SGTA: variants seen among roughly 807,000 people sequenced by gnomAD.
SGTA encodes small glutamine rich tetratricopeptide repeat co-chaperone alpha, also known as small glutamine-rich tetratricopeptide repeat-containing protein alpha.
Under a neutral mutation model 44.3 loss-of-function variants are expected in SGTA, and 22 were observed. The ratio of observed to expected loss-of-function variants is 0.50; its 90% CI spans 0.36 to 0.71. SGTA has a LOEUF of 0.71. SGTA is among the 30% of genes least tolerant of loss of function. The pLI, the probability that SGTA is intolerant of heterozygous loss-of-function variation, is 0.00. For missense variants in SGTA, 341 were observed against 435.9 expected (o/e 0.78, Z 1.94); for synonymous variants, 174 against 177.6 (o/e 0.98, Z 0.16).
chr19:2,757,564 C>G, intron 10 of SGTA, 107 bp from the exon 11 acceptor site: 1 of 1,497,378 alleles, frequency 6.7e-7, no homozygotes, highest in Non-Finnish European at 8.9e-7. Context: ...ACAGGCCTGA[C>G]CCCTCGCTGG....
intron 8 of SGTA, 192 bp from the exon 9 acceptor site, chr19:2,759,486 A>C (rs568029378): frequency 5.1e-6 from 3 of 587,146 alleles, no homozygotes; most frequent in Admixed American, 6.3e-5. Context: ...TGTGACCTCC[A>C]CATTGTGACT....
At chr19:2,771,637 G>C (rs986453682) in intron 1 of SGTA, among the ~76,000 whole-genome samples, 1 of 150,992 alleles carries the variant, frequency 6.6e-6, no homozygotes, top group African/African-American at 2.5e-5. Context: ...CCCCCACACA[G>C]GCAGGTACGT....
rs1413955236 is a variant in SGTA at position 2,765,072 on chromosome 19, T to C, written c.392+114A>G. On this transcript the variant is annotated intron_variant, in intron 5 of 11. Coordinates refer to ENST00000221566, the MANE Select transcript of SGTA (RefSeq NM_003021.4). The surrounding 1 kb of genome is among the most constrained non-coding windows in gnomAD (Gnocchi z 5.5). ...CTCCTGGTCTGAGACCACCGGTGAA[T>C]GGATCCCTCATCTACAGCGCAGAGG... is the stretch of plus-strand genomic sequence containing the variant. The C allele has an allele frequency of 9.8e-6, 7 of 714,688 alleles. No homozygotes were observed. The highest frequency in any genetic ancestry group is 1.6e-5 in the South Asian group (1 of 63,920). 44.3% of individuals were successfully genotyped at this position (714,688 alleles called of 1,614,324 possible).
intron 9 of SGTA, among the ~76,000 whole-genome samples, chr19:2,758,247 G>A (rs1914883537): frequency 6.6e-6 from 1 of 152,142 alleles, no homozygotes; most frequent in South Asian, 2.1e-4. Flanking sequence ...TTTGACCGTG[G>A]GCCAGCCGCG....
chr19:2,763,901 T>TG lies in SGTA; in HGVS notation c.393-145dup. 4.7e-6 allele frequency: 3 copies of TG among 632,814 alleles called. No homozygotes were observed. Among genetic ancestry groups the TG allele is most frequent in the Non-Finnish European group, 5.5e-6 (2 of 363,890 alleles). The allele number at this position is 632,814 out of a possible 1,614,324, so 39.2% of individuals were successfully genotyped here. A position where few individuals can be genotyped will look rare whatever the true frequency, so the allele number is the denominator to read the frequency against. ...TTCCCCATCTGTAAAATGGGGCTGA[T>TG]GGGGAAAGCTGAGAGGTGTGGCCAC... On this transcript the variant is annotated intron_variant, in intron 5 of 11. Coordinates refer to ENST00000221566, the MANE Select transcript of SGTA (RefSeq NM_003021.4). The surrounding 1 kb of genome is among the most constrained non-coding windows in gnomAD (Gnocchi z 5.8).
Position 2,757,679 on chromosome 19 carries a change from G to A in SGTA, c.827+14C>T. On this transcript the variant is annotated intron_variant, in intron 10 of 11. Transcript: ENST00000221566. ...GCCCACGTCCTCCGTCCTCTTGGAAGCAGTTCCACTCACGCCTGGATGAGG... is the reference window on the plus strand; with the variant it reads ...GCCCACGTCCTCCGTCCTCTTGGAAACAGTTCCACTCACGCCTGGATGAGG... The A allele has an allele frequency of 1.3e-6, 2 of 1,547,308 alleles. No individual in the cohort carries two copies. The highest frequency in any genetic ancestry group is 8.7e-7 in the Non-Finnish European group (1 of 1,146,574).
intron 1 of SGTA, among the ~76,000 whole-genome samples, chr19:2,769,976 C>T (rs1204084607): frequency 4.1e-5 from 3 of 73,714 alleles, no homozygotes; most frequent in African/African-American, 1.1e-4. Context: ...GTTCCCCCCT[C>T]GGACACCCGC....
rs752839724 is a variant in SGTA at position 2,768,949 on chromosome 19, A to G, written c.100+20T>C. The G allele has an allele frequency of 6.4e-7, 1 of 1,567,266 alleles. No individual in the cohort carries two copies. Among genetic ancestry groups the G allele is most frequent in the East Asian group, 2.2e-5 (1 of 44,636 alleles). ...TGGCCGCTGCCCGGGGAGAGGGGGA[A>G]GTGGCAGGCACCCACCTACCTTCCA... is the stretch of plus-strand genomic sequence containing the variant. On this transcript the variant is annotated intron_variant, in intron 2 of 11. Transcript: ENST00000221566.
Position 2,763,238 on chromosome 19 carries a change from G to A in SGTA, c.497+415C>T, listed in dbSNP as rs996793052. Among the ~76,000 whole-genome samples, 1 of 152,202 alleles carries A rather than the reference G, an allele frequency of 6.6e-6. No homozygotes were observed. The highest frequency in any genetic ancestry group is 6.5e-5 in the Admixed American group (1 of 15,288). ...AGGCGAATGCACGCTTATGCTGGGA[G>A]GGCGGCACCGGCTGCACGGGGCGCA... On this transcript the variant is annotated intron_variant, in intron 6 of 11. Coordinates refer to ENST00000221566, the MANE Select transcript of SGTA (RefSeq NM_003021.4). This position sits in a 1 kb window ranked among gnomAD's most constrained non-coding sequence, Gnocchi z 5.8.
In SGTA at chr19:2,760,501, G is replaced by A. The variant is rs1409164042; in HGVS notation, c.699+959C>T. Reference sequence around the variant, plus strand: ...CCACTGCACTCCAACCTGGGCGACAGAGCGAGACTCCATCTCAAAAAAAAA... The same window carrying A: ...CCACTGCACTCCAACCTGGGCGACAAAGCGAGACTCCATCTCAAAAAAAAA... On this transcript the variant is annotated intron_variant, in intron 8 of 11. Coordinates refer to ENST00000221566, the MANE Select transcript of SGTA (RefSeq NM_003021.4). 2.4e-5 allele frequency among the ~76,000 whole-genome samples: 3 copies of A among 124,638 alleles called. No individual in the cohort carries two copies. The Admixed American group carries it at 2.9e-4, about 12-fold the overall frequency. The allele number at this position is 124,638 out of a possible 152,430, so 81.8% of individuals were successfully genotyped here. A position where few individuals can be genotyped will look rare whatever the true frequency, so the allele number is the denominator to read the frequency against.
intron 1 of SGTA, among the ~76,000 whole-genome samples, chr19:2,780,753 G>A: frequency 6.6e-6 from 1 of 152,190 alleles, no homozygotes; most frequent in Non-Finnish European, 1.5e-5. Context: ...CGTTCCTTGG[G>A]GAGGCCATTT....
In SGTA at chr19:2,767,349, C is replaced by T; in HGVS notation, c.208-129G>A. The T allele has an allele frequency of 1.3e-6, 1 of 758,170 alleles. No individual in the cohort carries two copies. The highest frequency in any genetic ancestry group is 1.7e-5 in the South Asian group (1 of 58,160). 47.0% of individuals were successfully genotyped at this position (758,170 alleles called of 1,614,324 possible). ...GGACCCGGGGGCTCTGCAGGGGACT[C>T]CTGGCCCCCCATCATGTGGCCCTGG... On this transcript the variant is annotated intron_variant, in intron 3 of 11. Transcript: ENST00000221566. The surrounding 1 kb of genome is among the most constrained non-coding windows in gnomAD (Gnocchi z 7.3).
chr19:2,758,853 C>A (rs1010758164), intron 9 of SGTA, among the ~76,000 whole-genome samples: 1 of 152,200 alleles, frequency 6.6e-6, no homozygotes, highest in East Asian at 1.9e-4. Flanking sequence ...ACCTTGAGGA[C>A]GTCACGCTCA....
At position 2,762,518 on chromosome 19, in the gene SGTA, C is replaced by T. The variant is rs1568308386; in HGVS notation, c.624G>A (p.Glu208=). The T allele has an allele frequency of 6.2e-7, 1 of 1,613,968 alleles. No individual in the cohort carries two copies. Among genetic ancestry groups the T allele is most frequent in the African/African-American group, 1.3e-5 (1 of 75,060 alleles). Residue 208 remains glutamate, a synonymous_variant, in exon 7 of 12, where the codon GAG becomes GAA. Coordinates refer to ENST00000221566, the MANE Select transcript of SGTA (RefSeq NM_003021.4). ...NLKIAELKLR[E]APSPTGGVGS... ...CCGCTGCACTCACGGGGCTGGGGGC[C>T]TCCCGCAGCTTCAGCTCCGCTATCT... is the stretch of plus-strand genomic sequence containing the variant.
chr19:2,783,152 C>G (rs1289356138), intron 1 of SGTA, 81 bp downstream of exon 1: 11 of 152,298 alleles, frequency 7.2e-5, no homozygotes, highest in African/African-American at 2.7e-4. Context: ...GATCCCCAAA[C>G]TCTTACGAGC....
rs1434254869 is a variant in SGTA at position 2,763,067 on chromosome 19, AGT to A, written c.498-425_498-424del. Among the ~76,000 whole-genome samples, 2 of 143,876 alleles carry A rather than the reference AGT, an allele frequency of 1.4e-5. No individual in the cohort carries two copies. The highest frequency in any genetic ancestry group is 5.4e-5 in the African/African-American group (2 of 37,112). 94.4% of individuals were successfully genotyped at this position (143,876 alleles called of 152,430 possible). On this transcript the variant is annotated intron_variant, in intron 6 of 11. Transcript: ENST00000221566. The surrounding 1 kb of genome is among the most constrained non-coding windows in gnomAD (Gnocchi z 5.8). ...GCAGCCCCTGACCCCCACCTGAGTGAGTCTTCACTCGTGAGGTGACTCAGGGC... is the reference window on the plus strand; with the variant it reads ...GCAGCCCCTGACCCCCACCTGAGTGACTTCACTCGTGAGGTGACTCAGGGC...
chr19:2,763,248 G>T lies in SGTA; in HGVS notation c.497+405C>A, dbSNP rs1050161334. ...ACGCTTATGCTGGGAGGGCGGCACC[G>T]GCTGCACGGGGCGCAGGCTCCTGCC... On this transcript the variant is annotated intron_variant, in intron 6 of 11. Coordinates refer to ENST00000221566, the MANE Select transcript of SGTA (RefSeq NM_003021.4). The surrounding 1 kb of genome is among the most constrained non-coding windows in gnomAD (Gnocchi z 5.8). 2.0e-5 allele frequency among the ~76,000 whole-genome samples: 3 copies of T among 152,200 alleles called. No homozygotes were observed. The highest frequency in any genetic ancestry group is 4.4e-5 in the Non-Finnish European group (3 of 68,024).
chr19:2,770,490 C>T (rs1915275886), intron 1 of SGTA: 1 of 152,444 alleles, frequency 6.6e-6, no homozygotes, highest in African/African-American at 2.4e-5. Context: ...CTTGGCCTCA[C>T]TGTGCCTCCA....
chr19:2,758,270 T>C (rs913200560), intron 9 of SGTA, among the ~76,000 whole-genome samples: 1 of 152,204 alleles, frequency 6.6e-6, no homozygotes, highest in African/African-American at 2.4e-5. Context: ...GGCTCACACC[T>C]GTCATCCCTG....
Sources: allele counts gnomAD v4.1 joint callset (sites outside exome capture counted in the v4.1 genomes callset), GRCh38; gene constraint gnomAD v4.1.1; non-coding constraint Gnocchi (gnomAD v3.1); transcripts MANE v1.5; gene names NCBI Gene and HGNC (gene_info 2026-07-23, HGNC 2026-07-21).